Variants in NRG1 observed in about 807,000 individuals in gnomAD.
NRG1 encodes pro-neuregulin-1, membrane-bound isoform.
Under a neutral mutation model 63.8 loss-of-function variants are expected in NRG1, and 18 were observed. The ratio of observed to expected loss-of-function variants is 0.28; its 90% CI spans 0.19 to 0.42. The LOEUF is 0.42. NRG1 is among the 10% of genes least tolerant of loss of function. The probability of loss-of-function intolerance (pLI) is 1.00; values close to 1 mark genes in which losing one functional copy is unlikely to be tolerated. For missense variants in NRG1, 762 were observed against 814.7 expected, an observed-to-expected ratio of 0.94 and a Z score of 0.79; for synonymous variants, 302 against 301.3, an observed-to-expected ratio of 1.00 and a Z score of -0.02.
chr8:31,906,454 A>G (rs539488967), intron 1 of NRG1, among the ~76,000 whole-genome samples: 1 of 152,248 alleles, frequency 6.6e-6, no homozygotes, highest in Non-Finnish European at 1.5e-5. Context: ...GGAGGCTGCT[A>G]CCATAGCTAT....
At chr8:31,693,455 G>A (rs903918892) in intron 1 of NRG1, among the ~76,000 whole-genome samples, 5 of 151,594 alleles carry the variant, frequency 3.3e-5, no homozygotes, top group African/African-American at 9.7e-5. Flanking sequence ...GTTATATGCT[G>A]GTTATAGACC....
chr8:32,126,490 C>T (rs1834083492), intron 1 of NRG1, among the ~76,000 whole-genome samples: 1 of 151,878 alleles, frequency 6.6e-6, no homozygotes, highest in Admixed American at 6.6e-5. Context: ...TTCATTGTCA[C>T]AGCTGTTGGG....
intron 1 of NRG1, among the ~76,000 whole-genome samples, chr8:31,991,283 A>G (rs181086203): frequency 1.3e-4 from 20 of 151,158 alleles, no homozygotes; most frequent in Admixed American, 5.9e-4. Flanking sequence ...GACGACGACA[A>G]CAACTTCTTC....
At chr8:31,704,632 A>G (rs1365010494) in intron 1 of NRG1, among the ~76,000 whole-genome samples, 1 of 152,068 alleles carries the variant, frequency 6.6e-6, no homozygotes, top group Non-Finnish European at 1.5e-5. Flanking sequence ...GGAGATCGAG[A>G]CCATCCTGGC....
intron 1 of NRG1, among the ~76,000 whole-genome samples, chr8:32,076,498 T>G (rs1291332475): frequency 6.6e-6 from 1 of 152,170 alleles, no homozygotes; most frequent in East Asian, 1.9e-4. Context: ...TTGTTGTTTG[T>G]TTGTTTGTAA....
At chr8:32,154,003 C>T (rs1428587029) in intron 1 of NRG1, among the ~76,000 whole-genome samples, 3 of 152,162 alleles carry the variant, frequency 2.0e-5, no homozygotes, top group Non-Finnish European at 1.5e-5. Flanking sequence ...TGAACATTGG[C>T]TTTTGGACAA....
At chr8:32,362,884 A>T (rs573712362) in intron 1 of NRG1, among the ~76,000 whole-genome samples, 1 of 152,182 alleles carries the variant, frequency 6.6e-6, no homozygotes, top group Non-Finnish European at 1.5e-5. Flanking sequence ...TCATGAGAAC[A>T]TTGGGAGCCT....
intron 1 of NRG1, among the ~76,000 whole-genome samples, chr8:32,061,385 AC>A (rs1483097420): frequency 2.6e-5 from 4 of 151,836 alleles, no homozygotes; most frequent in Admixed American, 2.6e-4. Context: ...CCCTCATAAA[AC>A]TGTTTCTCAA....
rs528090968 is a variant in NRG1 at position 32,088,206 on chromosome 8, G to A, written c.37+448775G>A. Among the ~76,000 whole-genome samples, 50 of 152,136 alleles carry A rather than the reference G, an allele frequency of 3.3e-4. 1 individual carries two copies. Among genetic ancestry groups the A allele is most frequent in the Admixed American group, 1.2e-3 (19 of 15,276 alleles). ...TGTGTGTGTATCGTCTCTCTACAGT[G>A]AGAATAAAAGCTCCAAAGCCAGGAA... is the stretch of plus-strand genomic sequence containing the variant. On this transcript the variant is annotated intron_variant, in intron 1 of 10. Transcript: ENST00000519301.
chr8:32,510,122 A>ATCATC lies in NRG1; in HGVS notation c.38-85706_38-85705insTCATC, dbSNP rs1554566690. 3.1e-3 allele frequency among the ~76,000 whole-genome samples: 361 copies of ATCATC among 116,826 alleles called. 3 individuals carry two copies. Among genetic ancestry groups the ATCATC allele is most frequent in the African/African-American group, 9.9e-3 (342 of 34,468 alleles). 76.6% of individuals were successfully genotyped at this position (116,826 alleles called of 152,430 possible). A position where few individuals can be genotyped will look rare whatever the true frequency, so the allele number is the denominator to read the frequency against. On this transcript the variant is annotated intron_variant, in intron 1 of 10. Coordinates refer to the NRG1 transcript ENST00000519301. ...AAATAATAATAATAATAATAATAAT[A>ATCATC]ATAATCATAAAAGCAAGGGAGGGAG...
At chr8:31,691,186 T>A (rs1325753742) in intron 1 of NRG1, among the ~76,000 whole-genome samples, 1 of 151,876 alleles carries the variant, frequency 6.6e-6, no homozygotes, top group Non-Finnish European at 1.5e-5. Context: ...AAAGAGGAGG[T>A]AAAGTAGCAA....
intron 1 of NRG1, among the ~76,000 whole-genome samples, chr8:31,837,766 T>C (rs1258846790): frequency 6.6e-6 from 1 of 152,100 alleles, no homozygotes; most frequent in Non-Finnish European, 1.5e-5. Context: ...ATTTCATTTA[T>C]CATAATGTCC....
Position 32,410,930 on chromosome 8 carries a change from C to G in NRG1, c.38-184898C>G, listed in dbSNP as rs137992961. On this transcript the variant is annotated intron_variant, in intron 1 of 10. Transcript: ENST00000519301. The stretch of plus-strand genomic sequence containing the variant: ...CTTGCTCTGTTGCCAGGCTGGAGTG[C>G]AGTGGCGCAATCTCGGTTCACTGCA... 6.1e-3 allele frequency among the ~76,000 whole-genome samples: 914 copies of G among 150,184 alleles called. 11 individuals are homozygous for G. Among genetic ancestry groups the G allele is most frequent in the African/African-American group, 0.022 (878 of 40,730 alleles).
chr8:31,979,479 T>C (rs1808730481), intron 1 of NRG1, among the ~76,000 whole-genome samples: 1 of 152,142 alleles, frequency 6.6e-6, no homozygotes, highest in African/African-American at 2.4e-5. Flanking sequence ...CCTGTCTTAC[T>C]TCCTATATAA....
intron 1 of NRG1, 51 bp from the exon 2 acceptor site, chr8:32,595,777 A>G (rs778759781): frequency 5.9e-6 from 9 of 1,533,034 alleles, no homozygotes; most frequent in Non-Finnish European, 7.1e-6. Flanking sequence ...TTTCTCTTTG[A>G]AAGATTGCCT....
chr8:32,401,537 G>A (rs555049983), intron 1 of NRG1, among the ~76,000 whole-genome samples: 13 of 152,138 alleles, frequency 8.5e-5, no homozygotes, highest in East Asian at 1.9e-4. Flanking sequence ...ATAGTCATTC[G>A]ATGAAATAGG....
chr8:31,734,720 C>T (rs1218205556), intron 1 of NRG1, among the ~76,000 whole-genome samples: 1 of 152,186 alleles, frequency 6.6e-6, no homozygotes, highest in Non-Finnish European at 1.5e-5. Context: ...TACTCACTCT[C>T]ATTTGGATCA....
chr8:32,458,247 C>T (rs1241503945), intron 1 of NRG1, among the ~76,000 whole-genome samples: 2 of 152,074 alleles, frequency 1.3e-5, no homozygotes, highest in Non-Finnish European at 2.9e-5. Flanking sequence ...TACATTGGAT[C>T]CATAGTAATC....
chr8:32,365,918 G>C (rs1313411529), intron 1 of NRG1, among the ~76,000 whole-genome samples: 1 of 152,038 alleles, frequency 6.6e-6, no homozygotes, highest in Non-Finnish European at 1.5e-5. Context: ...TTATAGGTAG[G>C]TCTTGTACAA....
Sources: allele counts gnomAD v4.1 joint callset (sites outside exome capture counted in the v4.1 genomes callset), GRCh38; gene constraint gnomAD v4.1.1; transcripts MANE v1.5; gene names NCBI Gene and HGNC (gene_info 2026-07-23, HGNC 2026-07-21).